The following MYH7B variants were observed in gnomAD, a reference collection of about 807,000 sequenced individuals.
MYH7B encodes myosin heavy chain 7B.
Under a neutral mutation model 234.5 loss-of-function variants are expected in MYH7B, and 205 were observed. The ratio of observed to expected loss-of-function variants is 0.87; its 90% CI spans 0.78 to 0.98. The LOEUF is 0.98. Ranked by LOEUF, MYH7B falls within the 50% of genes least tolerant of loss-of-function variation. MYH7B has a pLI of 0.00. For missense variants in MYH7B, 2,652 were observed against 2,633.4 expected (o/e 1.01, Z -0.15); for synonymous variants, 1,193 against 1,105.0 (o/e 1.08, Z -1.58).
Position 34,994,231 on chromosome 20 carries a change from A to T in MYH7B, c.2530A>T (p.Lys844Ter). 1.9e-6 allele frequency: 3 copies of T among 1,613,224 alleles called. No individual in the cohort carries two copies. The highest frequency in any genetic ancestry group is 2.5e-6 in the Non-Finnish European group (3 of 1,179,960). Residue 844 changes from lysine (K) to a stop codon, truncating the protein, a stop_gained, in exon 27 of 45, where the codon AAG becomes TAG. Coordinates refer to ENST00000262873, the Ensembl canonical transcript of MYH7B. LOFTEE classifies it high-confidence loss of function. Reference sequence around the variant, plus strand: ...ATGGATGAAGCTCTTTTTCAAGATGAAGCCGCTGCTGCGCTCGGCGCAGGC... The same window carrying T: ...ATGGATGAAGCTCTTTTTCAAGATGTAGCCGCTGCTGCGCTCGGCGCAGGC...
intron 2 of MYH7B, among the ~76,000 whole-genome samples, chr20:34,974,733 T>G (rs1040434964): frequency 6.6e-6 from 1 of 152,232 alleles, no homozygotes; most frequent in African/African-American, 2.4e-5. Flanking sequence ...TTCTATAAAT[T>G]GCTCCAGCCC....
At chr20:34,995,671 C>A in intron 28 of MYH7B, 93 bp downstream of exon 28, 1 of 1,539,142 alleles carries the variant, frequency 6.5e-7, no homozygotes, top group South Asian at 1.2e-5. Flanking sequence ...TCTGCTAAGC[C>A]TCTGCTTTCT....
chr20:34,990,113 ACT>A lies in MYH7B; in HGVS notation c.1872_1873del (p.Tyr625Ter), dbSNP rs761764009. 4 of 1,613,728 alleles carry A rather than the reference ACT, an allele frequency of 2.5e-6. No homozygotes were observed. In the South Asian group the frequency reaches 4.4e-5, roughly 18 times the overall value. ...GAAGTCACAGAATAGGCTCCTGGCG[ACT>A]CTCTATGAGAATTATGCGGGCTCCT... On this transcript the variant is annotated frameshift_variant, in exon 21 of 45. Transcript: ENST00000262873. LOFTEE classifies it high-confidence loss of function.
At chr20:34,977,605 A>G (rs926866523) in intron 3 of MYH7B, 27 bp from the exon 4 acceptor site, 26 of 1,570,622 alleles carry the variant, frequency 1.7e-5, no homozygotes, top group Non-Finnish European at 2.1e-5. Flanking sequence ...GATTGCTGAC[A>G]TAGCTCTCCT....
intron 43 of MYH7B, 72 bp downstream of exon 43, chr20:35,001,598 G>GCAT (rs1569069649): frequency 1.5e-6 from 2 of 1,318,268 alleles, no homozygotes; most frequent in Non-Finnish European, 2.1e-6. Flanking sequence ...GCCAGGTGAG[G>GCAT]CATCAGCAGC....
In MYH7B at chr20:34,999,421, C is replaced by T. The variant is rs371214764; in HGVS notation, c.4540+16C>T. On this transcript the variant is annotated intron_variant, in intron 36 of 44. Coordinates refer to ENST00000262873, the Ensembl canonical transcript of MYH7B. ...AACCTGCAGGGTAGGACCTGCCACA[C>T]GCCAGGGCCAGGGTGCTGCCCTGGG... The T allele has an allele frequency of 4.4e-4, 660 of 1,508,530 alleles. No homozygotes were observed. The highest frequency in any genetic ancestry group is 5.5e-4 in the Non-Finnish European group (621 of 1,129,160). 93.4% of individuals were successfully genotyped at this position (1,508,530 alleles called of 1,614,324 possible).
At position 34,994,332 on chromosome 20, in the gene MYH7B, C is replaced by T. The variant is rs373425962; in HGVS notation, c.2631C>T (p.Arg877=). The change falls in exon 27 of 45, where the codon CGC becomes CGT. Residue 877 remains arginine (R), a synonymous_variant. Transcript: ENST00000262873. ...CGCTGGCTGCGGCCGAGGCCAAGCG[C>T]CAGGAACTGGAGGAGACGCACGTCA... 6.2e-7 allele frequency: 1 copy of T among 1,609,290 alleles called. No individual in the cohort carries two copies. The highest frequency in any genetic ancestry group is 1.3e-5 in the African/African-American group (1 of 74,838).
At chr20:34,977,048 C>T (rs2081863783) in intron 3 of MYH7B, among the ~76,000 whole-genome samples, 3 of 47,774 alleles carry the variant, frequency 6.3e-5, no homozygotes, top group Admixed American at 2.5e-4. Flanking sequence ...TCCCTCTCCC[C>T]CTACCCCTCC....
chr20:34,998,938 C>T (rs1351470647), intron 35 of MYH7B, 23 bp downstream of exon 35: 1 of 1,605,058 alleles, frequency 6.2e-7, no homozygotes, highest in East Asian at 2.2e-5. Context: ...CTGGCCAGGC[C>T]ACTGCCATGC....
At chr20:34,984,714 G>A in exon 11 of MYH7B, 1 of 1,605,606 alleles carries the variant, frequency 6.2e-7, no homozygotes, top group East Asian at 2.2e-5. Flanking sequence ...ACAAAGACGG[G>A]GGTGAGTATG....
In MYH7B at chr20:34,990,593, G is replaced by C. The variant is rs2082126992; in HGVS notation, c.1978-145G>C. On this transcript the variant is annotated intron_variant, in intron 22 of 44. Coordinates refer to ENST00000262873, the Ensembl canonical transcript of MYH7B. ...GTGGTGGTGATGGGAGACAGCGAAG[G>C]GTCTCCCATCACCAGAATGAGAGTG... 3 of 782,332 alleles carry C rather than the reference G, an allele frequency of 3.8e-6. No homozygotes were observed. In the African/African-American group the frequency reaches 5.1e-5, roughly 13 times the overall value. The allele number at this position is 782,332 out of a possible 1,614,324, so 48.5% of individuals were successfully genotyped here. A position where few individuals can be genotyped will look rare whatever the true frequency, so the allele number is the denominator to read the frequency against.
chr20:34,999,750 TCCCC>T, intron 37 of MYH7B, 37 bp from the exon 38 acceptor site: 1 of 1,320,524 alleles, frequency 7.6e-7, no homozygotes. Context: ...CCACTGGCCA[TCCCC>T]CCCCCCCACC....
At chr20:34,992,220 C>T (rs2082165177) in intron 24 of MYH7B, among the ~76,000 whole-genome samples, 1 of 152,022 alleles carries the variant, frequency 6.6e-6, no homozygotes, top group African/African-American at 2.4e-5. Flanking sequence ...CCCATCTCTA[C>T]TAAAAATATA....
intron 5 of MYH7B, among the ~76,000 whole-genome samples, chr20:34,978,696 T>C (rs6060139): frequency 0.61 from 93,157 of 151,524 alleles, 29,993 homozygotes; most frequent in African/African-American, 0.81. Flanking sequence ...GGACCTTGTG[T>C]TTGATTCGAC....
exon 37 of MYH7B, chr20:34,999,638 CAAG>C (rs753357405): frequency 6.2e-6 from 10 of 1,613,582 alleles, no homozygotes; most frequent in Non-Finnish European, 8.5e-6. Flanking sequence ...TGGAGAAAAC[CAAG>C]AAGGCGCTGG....
At chr20:34,995,647 G>C (rs1333675067) in intron 28 of MYH7B, 69 bp downstream of exon 28, 4 of 1,592,256 alleles carry the variant, frequency 2.5e-6, no homozygotes, top group Non-Finnish European at 3.4e-6. Flanking sequence ...GGTGGCTGCA[G>C]GTCCCACCCC....
At chr20:35,001,960 A>C (rs765266018) in exon 44 of MYH7B, 3 of 1,613,346 alleles carry the variant, frequency 1.9e-6, no homozygotes, top group South Asian at 2.2e-5. Context: ...GCAGCAGGCC[A>C]ACACCAACCT....
rs367773248 is a variant in MYH7B at position 34,986,117 on chromosome 20, C to T, written c.823C>T (p.Arg275Trp). 43 of 1,588,278 alleles carry T rather than the reference C, an allele frequency of 2.7e-5. No individual in the cohort carries two copies. The highest frequency in any genetic ancestry group is 1.6e-4 in the Middle Eastern group (1 of 6,062). ...CTCCCCAGATCTCCTGGAGAAGTCGCGGGTGATCTTCCAGTTGCCTGGTGA... is the reference window on the plus strand; with the variant it reads ...CTCCCCAGATCTCCTGGAGAAGTCGTGGGTGATCTTCCAGTTGCCTGGTGA... The change falls in exon 14 of 45, where the codon CGG becomes TGG. Residue 275 changes from arginine (R) to tryptophan (W), a missense_variant. Physicochemically the swap from Arg to Trp is moderately radical, Grantham distance 101. Transcript: ENST00000262873.
intron 10 of MYH7B, among the ~76,000 whole-genome samples, chr20:34,984,299 G>A (rs2081983203): frequency 6.6e-6 from 1 of 152,250 alleles, no homozygotes; most frequent in South Asian, 2.1e-4. Flanking sequence ...GTCTATTCCA[G>A]CTTTGGAGCA....
Sources: allele counts gnomAD v4.1 joint callset (sites outside exome capture counted in the v4.1 genomes callset), GRCh38; gene constraint gnomAD v4.1.1; transcripts MANE v1.5; gene names NCBI Gene and HGNC (gene_info 2026-07-23, HGNC 2026-07-21).